Variants in TAS1R1 observed in about 807,000 individuals in gnomAD.
The protein encoded by TAS1R1 is taste receptor type 1 member 1.
Under a neutral mutation model 45.8 loss-of-function variants are expected in TAS1R1, and 31 were observed. That is an observed-to-expected ratio of 0.68 (90% CI 0.51 to 0.91). The LOEUF (loss-of-function observed/expected upper bound fraction) is 0.91, where lower values mean the gene tolerates loss of function less well. TAS1R1 is among the 40% of genes least tolerant of loss of function. The pLI is 0.00. For missense variants in TAS1R1, 1,051 were observed against 1,063.9 expected (o/e 0.99, Z 0.17); for synonymous variants, 437 against 448.4 (o/e 0.97, Z 0.32).
intron 1 of TAS1R1, 144 bp downstream of exon 1, chr1:6,555,708 T>G (rs1639664623): frequency 2.7e-6 from 2 of 746,696 alleles, no homozygotes; most frequent in Non-Finnish European, 2.1e-6. Flanking sequence ...ACTTGCCACC[T>G]AAGTGCTGGC....
Position 6,575,131 on chromosome 1 carries a change from C to T in TAS1R1, c.999C>T (p.Gly333=). The change falls in exon 3 of 6, where the codon GGC becomes GGT. Residue 333 remains glycine (G), a synonymous_variant. Coordinates refer to ENST00000333172, the MANE Select transcript of TAS1R1 (RefSeq NM_138697.4). The stretch of plus-strand genomic sequence containing the variant: ...CCATCCAGAAGAGGGCTGTCCCTGG[C>T]CTGAAGGCGTTTGAAGAAGCCTATG... ...GVAIQKRAVP[G]LKAFEEAYAR... 3 of 1,584,502 alleles carry T rather than the reference C, an allele frequency of 1.9e-6. No individual in the cohort carries two copies. The highest frequency in any genetic ancestry group is 2.6e-6 in the Non-Finnish European group (3 of 1,166,932).
In TAS1R1 at chr1:6,579,201, C is replaced by G. The variant is rs770564619; in HGVS notation, c.2143C>G (p.Leu715Val). The change falls in exon 6 of 6, where the codon CTG becomes GTG. Residue 715 changes from leucine (L) to valine (V), a missense_variant. Transcript: ENST00000333172. Reference sequence around the variant, plus strand: ...TAGGGAATACCAGCGCTTCCCCCATCTGGTGATGCTTGAGTGCACAGAGAC... The same window carrying G: ...TAGGGAATACCAGCGCTTCCCCCATGTGGTGATGCTTGAGTGCACAGAGAC... ...PAREYQRFPH[L>V]VMLECTETNS... is the part of the protein sequence containing the mutation. 3.7e-6 allele frequency: 6 copies of G among 1,614,228 alleles called. No homozygotes were observed. Among genetic ancestry groups the G allele is most frequent in the Non-Finnish European group, 5.1e-6 (6 of 1,180,042 alleles).
Position 6,566,485 on chromosome 1 carries a change from T to A in TAS1R1, c.192-4424T>A, listed in dbSNP as rs192085865. 2.2e-4 allele frequency among the ~76,000 whole-genome samples: 33 copies of A among 151,306 alleles called. No individual in the cohort carries two copies. In the East Asian group the frequency reaches 6.2e-3, roughly 28 times the overall value. On this transcript the variant is annotated intron_variant, in intron 1 of 5. Transcript: ENST00000333172. ...GATTTTTTAATGGGGAGGATGGGGG[T>A]GTTACAAGGAGAGTGTGTTGGTCAA...
chr1:6,563,120 T>C (rs977858291), intron 1 of TAS1R1, among the ~76,000 whole-genome samples: 3 of 152,228 alleles, frequency 2.0e-5, no homozygotes, highest in Non-Finnish European at 4.4e-5. Context: ...TGTCTGCCAT[T>C]ACAAAATCTT....
intron 1 of TAS1R1, among the ~76,000 whole-genome samples, chr1:6,559,825 A>G (rs890352347): frequency 4.6e-5 from 7 of 150,754 alleles, no homozygotes; most frequent in African/African-American, 1.7e-4. Flanking sequence ...CCCCGTCTCT[A>G]CTAAAAGTAC....
chr1:6,555,327 C>T lies in TAS1R1; in HGVS notation c.-47C>T. 3 of 1,504,644 alleles carry T rather than the reference C, an allele frequency of 2.0e-6. No homozygotes were observed. Among genetic ancestry groups the T allele is most frequent in the African/African-American group, 2.7e-5 (2 of 72,894 alleles). The allele number at this position is 1,504,644 out of a possible 1,614,324, so 93.2% of individuals were successfully genotyped here. On this transcript the variant is annotated 5_prime_UTR_variant, in exon 1 of 6. Coordinates refer to ENST00000333172, the MANE Select transcript of TAS1R1 (RefSeq NM_138697.4). ...GCCTTCTATTTAAGCAACTGGCCTC[C>T]TTAGAGGCCACTCCTTGGCCATGCC... is the stretch of plus-strand genomic sequence containing the variant.
In TAS1R1 at chr1:6,558,834, T is replaced by A. The variant is rs377488562; in HGVS notation, c.191+3270T>A. 8.8e-3 allele frequency among the ~76,000 whole-genome samples: 1,341 copies of A among 151,810 alleles called. 16 individuals are homozygous for A. The highest frequency in any genetic ancestry group is 0.03 in the African/African-American group (1,224 of 41,396). On this transcript the variant is annotated intron_variant, in intron 1 of 5. Coordinates refer to ENST00000333172, the MANE Select transcript of TAS1R1 (RefSeq NM_138697.4). ...CCCAGATTCAGGCGATCCTCCTGCCTCAGCCTCCCAAGTAGCTGGGATCAC... is the reference window on the plus strand; with the variant it reads ...CCCAGATTCAGGCGATCCTCCTGCCACAGCCTCCCAAGTAGCTGGGATCAC...
chr1:6,573,096 CT>C (rs1446153979), intron 2 of TAS1R1, among the ~76,000 whole-genome samples: 4 of 152,220 alleles, frequency 2.6e-5, no homozygotes, highest in Non-Finnish European at 5.9e-5. Flanking sequence ...AGGCTTCCCC[CT>C]GATTTTAGTC....
Position 6,555,324 on chromosome 1 carries a change from C to T in TAS1R1, c.-50C>T, listed in dbSNP as rs1639652890. On this transcript the variant is annotated 5_prime_UTR_variant, in exon 1 of 6. Coordinates refer to ENST00000333172, the MANE Select transcript of TAS1R1 (RefSeq NM_138697.4). Reference sequence around the variant, plus strand: ...GCTGCCTTCTATTTAAGCAACTGGCCTCCTTAGAGGCCACTCCTTGGCCAT... The same window carrying T: ...GCTGCCTTCTATTTAAGCAACTGGCTTCCTTAGAGGCCACTCCTTGGCCAT... 7 of 1,482,646 alleles carry T rather than the reference C, an allele frequency of 4.7e-6. No homozygotes were observed. The highest frequency in any genetic ancestry group is 6.3e-6 in the Non-Finnish European group (7 of 1,113,220). The allele number at this position is 1,482,646 out of a possible 1,614,324, so 91.8% of individuals were successfully genotyped here. A position where few individuals can be genotyped will look rare whatever the true frequency, so the allele number is the denominator to read the frequency against.
intron 1 of TAS1R1, among the ~76,000 whole-genome samples, chr1:6,569,854 C>T (rs1457416954): frequency 6.6e-6 from 1 of 152,064 alleles, no homozygotes; most frequent in East Asian, 1.9e-4. Context: ...CTTTTACTCA[C>T]CCTCGCAGAA....
intron 1 of TAS1R1, among the ~76,000 whole-genome samples, chr1:6,565,445 G>A (rs969964499): frequency 3.3e-5 from 5 of 152,116 alleles, no homozygotes; most frequent in African/African-American, 1.2e-4. Flanking sequence ...GAGTGGTATT[G>A]TATAGTTGTT....
chr1:6,567,886 G>T (rs978722159), intron 1 of TAS1R1, among the ~76,000 whole-genome samples: 1 of 152,104 alleles, frequency 6.6e-6, no homozygotes, highest in Non-Finnish European at 1.5e-5. Context: ...CTTCTTTGCC[G>T]CACTTAAAGC....
intron 1 of TAS1R1, among the ~76,000 whole-genome samples, chr1:6,568,534 CTG>C (rs61273781): frequency 0.92 from 139,991 of 151,812 alleles, 65,222 homozygotes; most frequent in Non-Finnish European, 0.99. Context: ...TGGAGAGACT[CTG>C]TAAGGCGGGA....
At chr1:6,575,415 C>T (rs1557809955) in intron 3 of TAS1R1, 23 bp downstream of exon 3, 6 of 1,528,396 alleles carry the variant, frequency 3.9e-6, no homozygotes, top group Non-Finnish European at 4.4e-6. Flanking sequence ...ACCCCAGCAC[C>T]TCCTGTCAGG....
At chr1:6,576,359 G>A in intron 3 of TAS1R1, 56 bp from the exon 4 acceptor site, 2 of 1,574,604 alleles carry the variant, frequency 1.3e-6, no homozygotes, top group Non-Finnish European at 1.7e-6. Context: ...CCTTGCTTCT[G>A]GGACCATGTG....
At chr1:6,557,308 C>A (rs1639703614) in intron 1 of TAS1R1, among the ~76,000 whole-genome samples, 1 of 152,152 alleles carries the variant, frequency 6.6e-6, no homozygotes, top group Non-Finnish European at 1.5e-5. Context: ...TTGTCTCAGG[C>A]AGGAGGCACG....
intron 5 of TAS1R1, 71 bp downstream of exon 5, chr1:6,577,141 T>C (rs1316060463): frequency 1.3e-6 from 2 of 1,593,484 alleles, no homozygotes; most frequent in South Asian, 1.1e-5. Flanking sequence ...AGGGCCTCCC[T>C]TGGGCCCCAT....
chr1:6,574,949 G>GT lies in TAS1R1; in HGVS notation c.823dup (p.Ser275PhefsTer64), dbSNP rs33999645. On this transcript the variant is annotated frameshift_variant, in exon 3 of 6. Transcript: ENST00000333172. LOFTEE classifies it high-confidence loss of function. This position sits in a 1 kb window ranked among gnomAD's most constrained non-coding sequence, Gnocchi z 4.3. ...CCAGGCCGGGGCCACCGTCGTGGTT[G>GT]TTTTTTCCAGCCGGCAGTTGGCCAG... 1 of 1,609,748 alleles carries GT rather than the reference G, an allele frequency of 6.2e-7. No individual in the cohort carries two copies. The highest frequency in any genetic ancestry group is 8.5e-7 in the Non-Finnish European group (1 of 1,176,804).
In TAS1R1 at chr1:6,574,934, G is replaced by T. The variant is rs1163127749; in HGVS notation, c.802G>T (p.Ala268Ser). Residue 268 changes from alanine (A) to serine (S), a missense_variant, in exon 3 of 6, where the codon GCC becomes TCC. Coordinates refer to ENST00000333172, the MANE Select transcript of TAS1R1 (RefSeq NM_138697.4). This position sits in a 1 kb window ranked among gnomAD's most constrained non-coding sequence, Gnocchi z 4.3. ...CATGCGCCACCTGGCCCAGGCCGGG[G>T]CCACCGTCGTGGTTGTTTTTTCCAG... ...CLMRHLAQAG[A>S]TVVVVFSSRQ... 1.2e-6 allele frequency: 2 copies of T among 1,612,304 alleles called. No homozygotes were observed. Among genetic ancestry groups the T allele is most frequent in the Non-Finnish European group, 8.5e-7 (1 of 1,178,694 alleles).
Sources: gnomAD v4.1 joint callset for allele counts (sites outside exome capture counted in the v4.1 genomes callset) on GRCh38, gnomAD v4.1.1 for gene constraint, Gnocchi (gnomAD v3.1) non-coding constraint, MANE v1.5 for transcripts, NCBI Gene and HGNC (gene_info 2026-07-23, HGNC 2026-07-21) for gene names.